The following ZC3H12A variants were observed in gnomAD, a reference collection of about 807,000 sequenced individuals.
The protein encoded by ZC3H12A is endoribonuclease ZC3H12A.
Under a neutral mutation model 29.9 loss-of-function variants are expected in ZC3H12A, and 9 were observed. The ratio of observed to expected loss-of-function variants is 0.30; its 90% CI spans 0.18 to 0.53. The LOEUF (loss-of-function observed/expected upper bound fraction) is 0.53. Among genes scored for constraint, ZC3H12A ranks in the 20% least tolerant of loss-of-function variants. The probability of loss-of-function intolerance (pLI) is 0.96; values close to 1 mark genes in which losing one functional copy is unlikely to be tolerated. For missense variants in ZC3H12A, 617 were observed against 799.0 expected, an observed-to-expected ratio of 0.77 and a Z score of 2.75; for synonymous variants, 323 against 338.1, an observed-to-expected ratio of 0.96 and a Z score of 0.49.
chr1:37,480,863 G>T (rs889093737), intron 3 of ZC3H12A, among the ~76,000 whole-genome samples: 3 of 152,218 alleles, frequency 2.0e-5, no homozygotes, highest in Non-Finnish European at 4.4e-5. Context: ...TCAGCAGGGG[G>T]TGTTGACAGC....
At position 37,483,412 on chromosome 1, in the gene ZC3H12A, A is replaced by G; in HGVS notation, c.1601A>G (p.Gln534Arg). The part of the protein sequence containing the change: ...PTSVLQEPPV[Q>R]SPGAGRSPWG... Reference sequence around the variant, plus strand: ...TCAGTCCTTCAGGAGCCCCCAGTGCAGAGCCCAGGGGCTGGCAGGAGCCCG... The same window carrying G: ...TCAGTCCTTCAGGAGCCCCCAGTGCGGAGCCCAGGGGCTGGCAGGAGCCCG... Residue 534 changes from glutamine to arginine, a missense_variant, in exon 6 of 6, where the codon CAG becomes CGG. Physicochemically the swap from Gln to Arg is conservative, Grantham distance 43. This residue lies in a region of ZC3H12A where 172 missense variants were observed against 203.1 expected (regional missense o/e 0.85). Transcript: ENST00000373087. The G allele has an allele frequency of 3.7e-6, 6 of 1,613,992 alleles. No homozygotes were observed. Among genetic ancestry groups the G allele is most frequent in the Non-Finnish European group, 5.1e-6 (6 of 1,179,942 alleles).
chr1:37,482,824 G>T lies in ZC3H12A; in HGVS notation c.1013G>T (p.Arg338Leu). 6.2e-7 allele frequency: 1 copy of T among 1,613,960 alleles called. No individual in the cohort carries two copies. ...CAGCGCTCTGTGGCAGATGAGCTCC[G>T]TGCCAATGCTCTCCTCTCACCCCCC... ...CPQRSVADELRANALLSPPRA... is the reference protein window; with the variant it reads ...CPQRSVADELLANALLSPPRA... The change falls in exon 6 of 6, where the codon CGT becomes CTT. Residue 338 changes from arginine to leucine, a missense_variant. Arg to Leu is a moderately radical substitution (Grantham distance 102). This residue lies in a region of ZC3H12A where 115 missense variants were observed against 112.5 expected (regional missense o/e 1.02). Transcript: ENST00000373087.
rs749930158 is a variant in ZC3H12A, at chr1:37,483,578, CCT to C, written c.1771_1772del (p.Ser591LeufsTer8). ...ACCCCCAGCAGCTGGCTGCCGAGAT[CCT>C]CTCCTACAAGTCCCAGCACCCCAGT... is the stretch of plus-strand genomic sequence containing the variant. Reference protein sequence around the residue: ...LDPQQLAAEILSYKSQHPSE With the variant: ...LDPQQLAAEIXSYKSQHPSE On this transcript the variant is annotated frameshift_variant, in exon 6 of 6. Transcript: ENST00000373087. LOFTEE classifies it high-confidence loss of function. The C allele has an allele frequency of 1.4e-5, 22 of 1,611,630 alleles. No individual in the cohort carries two copies. In the Admixed American group the frequency reaches 3.7e-4, roughly 27 times the overall value.
chr1:37,479,893 A>G lies in ZC3H12A; in HGVS notation c.444-397A>G, dbSNP rs1641667032. On this transcript the variant is annotated intron_variant, in intron 2 of 5. Transcript: ENST00000373087. The surrounding 1 kb of genome is among the most constrained non-coding windows in gnomAD (Gnocchi z 4.5). ...CAGCTCGCCGGGTGGGGCAGGAACC[A>G]GAAGTCTCGCGGCACCTTTCCCCCA... 2 of 1,010,572 alleles carry G rather than the reference A, an allele frequency of 2.0e-6. No individual in the cohort carries two copies. The highest frequency in any genetic ancestry group is 1.2e-6 in the Non-Finnish European group (1 of 844,920). The allele number at this position is 1,010,572 out of a possible 1,614,324, so 62.6% of individuals were successfully genotyped here.
At position 37,482,536 on chromosome 1, in the gene ZC3H12A, C is replaced by T. The variant is rs186794112; in HGVS notation, c.921C>T (p.Pro307=). The change falls in exon 5 of 6, where the codon CCC becomes CCT. Residue 307 remains proline (P), a synonymous_variant. Transcript: ENST00000373087. The part of the protein sequence containing the change: ...LTLEHRKQPC[P]YGRKCTYGIK... ...TGGAGCACAGGAAGCAGCCGTGTCCCTATGGTATGGAACCCAGCCTGCCCT... is the reference window on the plus strand; with the variant it reads ...TGGAGCACAGGAAGCAGCCGTGTCCTTATGGTATGGAACCCAGCCTGCCCT... The T allele has an allele frequency of 2.8e-4, 453 of 1,614,118 alleles. 5 individuals are homozygous for T. The East Asian group carries it at 7.3e-3, about 26-fold the overall frequency.
At position 37,476,285 on chromosome 1, in the gene ZC3H12A, T is replaced by C. The variant is rs1011511382; in HGVS notation, c.443+346T>C. 6.6e-6 allele frequency among the ~76,000 whole-genome samples: 1 copy of C among 152,294 alleles called. No homozygotes were observed. The highest frequency in any genetic ancestry group is 1.9e-4 in the East Asian group (1 of 5,192). On this transcript the variant is annotated intron_variant, in intron 2 of 5. Transcript: ENST00000373087. This position sits in a 1 kb window ranked among gnomAD's most constrained non-coding sequence, Gnocchi z 6.0. ...AGCTGCTCACTCACCCCTCGGAACC[T>C]GATCTCAGGTGGGTGTTGTGAGGAG...
Position 37,482,467 on chromosome 1 carries a change from C to T in ZC3H12A, c.852C>T (p.His284=), listed in dbSNP as rs756330885. The T allele has an allele frequency of 1.9e-5, 30 of 1,613,886 alleles. No individual in the cohort carries two copies. Among genetic ancestry groups the T allele is most frequent in the South Asian group, 4.4e-5 (4 of 91,086 alleles). ...FMPPDDPLGR[H]GPSLDNFLRK... Reference sequence around the variant, plus strand: ...CCCCTGATGACCCACTGGGCCGGCACGGGCCCAGCCTGGACAACTTCCTGC... The same window carrying T: ...CCCCTGATGACCCACTGGGCCGGCATGGGCCCAGCCTGGACAACTTCCTGC... Residue 284 remains histidine (H), a synonymous_variant, in exon 5 of 6, where the codon CAC becomes CAT. Transcript: ENST00000373087.
In ZC3H12A at chr1:37,480,566, G is replaced by A. The variant is rs183259358; in HGVS notation, c.583+137G>A. On this transcript the variant is annotated intron_variant, in intron 3 of 5. Transcript: ENST00000373087. ...AGCATTTCTTTTCTCAGTTTTTTCTGTCCTTAGCAACCTGCTCTGAATGGT... is the reference window on the plus strand; with the variant it reads ...AGCATTTCTTTTCTCAGTTTTTTCTATCCTTAGCAACCTGCTCTGAATGGT... The A allele has an allele frequency of 1.7e-4, 212 of 1,278,406 alleles. No individual in the cohort carries two copies. In the African/African-American group the frequency reaches 2.2e-3, roughly 13 times the overall value. The allele number at this position is 1,278,406 out of a possible 1,614,324, so 79.2% of individuals were successfully genotyped here.
In ZC3H12A at chr1:37,483,579, C is replaced by T. The variant is rs149691061; in HGVS notation, c.1768C>T (p.Leu590Phe). ...LDPQQLAAEI[L>F]SYKSQHPSE ...CCCCCAGCAGCTGGCTGCCGAGATC[C>T]TCTCCTACAAGTCCCAGCACCCCAG... Residue 590 changes from leucine to phenylalanine, a missense_variant, in exon 6 of 6, where the codon CTC becomes TTC. Coordinates refer to ENST00000373087, the MANE Select transcript of ZC3H12A (RefSeq NM_025079.3). The T allele has an allele frequency of 4.5e-4, 725 of 1,611,500 alleles. 4 individuals carry two copies. In the African/African-American group the frequency reaches 8.4e-3, roughly 19 times the overall value.
Position 37,481,930 on chromosome 1 carries a change from G to A in ZC3H12A, c.818+95G>A, listed in dbSNP as rs561279266. 6.2e-4 allele frequency: 807 copies of A among 1,291,696 alleles called. 1 individual carries two copies. The highest frequency in any genetic ancestry group is 9.1e-4 in the Admixed American group (44 of 48,512). 80.0% of individuals were successfully genotyped at this position (1,291,696 alleles called of 1,614,324 possible). ...GGTGGAGCTGGGGGCTGGGCTCTGC[G>A]GGGCCCTGTGGCCATGGGAGGTTGC... On this transcript the variant is annotated intron_variant, in intron 4 of 5. Coordinates refer to ENST00000373087, the MANE Select transcript of ZC3H12A (RefSeq NM_025079.3).
In ZC3H12A at chr1:37,483,149, G is replaced by A. The variant is rs747167116; in HGVS notation, c.1338G>A (p.Gln446=). 1.2e-6 allele frequency: 2 copies of A among 1,613,450 alleles called. No homozygotes were observed. The highest frequency in any genetic ancestry group is 1.7e-6 in the Non-Finnish European group (2 of 1,179,952). ...LDSGIGSLES[Q]MSELWGVRGG... ...CGGGCATTGGCTCCCTGGAGAGCCA[G>A]ATGTCGGAACTTTGGGGGGTTCGAG... Residue 446 remains glutamine (Q), a synonymous_variant, in exon 6 of 6, where the codon CAG becomes CAA. Transcript: ENST00000373087.
At position 37,483,776 on chromosome 1, in the gene ZC3H12A, A is replaced by G. The variant is rs1297094736; in HGVS notation, c.*165A>G. 1 of 964,870 alleles carries G rather than the reference A, an allele frequency of 1.0e-6. No individual in the cohort carries two copies. Among genetic ancestry groups the G allele is most frequent in the African/African-American group, 1.7e-5 (1 of 60,428 alleles). 59.8% of individuals were successfully genotyped at this position (964,870 alleles called of 1,614,324 possible). A position where few individuals can be genotyped will look rare whatever the true frequency, so the allele number is the denominator to read the frequency against. On this transcript the variant is annotated 3_prime_UTR_variant, in exon 6 of 6. Coordinates refer to ENST00000373087, the MANE Select transcript of ZC3H12A (RefSeq NM_025079.3). ...ACCCACAAACCAAAGATACTGTAGG[A>G]TTGGTTCTGGCCCATGCAGCACCTC...
In ZC3H12A at chr1:37,479,331, C is replaced by A. The variant is rs1641652204; in HGVS notation, c.444-959C>A. The A allele has an allele frequency of 1.0e-6, 1 of 985,420 alleles. No homozygotes were observed. The highest frequency in any genetic ancestry group is 1.2e-6 in the Non-Finnish European group (1 of 829,930). 61.0% of individuals were successfully genotyped at this position (985,420 alleles called of 1,614,324 possible). On this transcript the variant is annotated intron_variant, in intron 2 of 5. Coordinates refer to ENST00000373087, the MANE Select transcript of ZC3H12A (RefSeq NM_025079.3). The surrounding 1 kb of genome is among the most constrained non-coding windows in gnomAD (Gnocchi z 4.5). ...CCAGGAAAGCTGTCCCACTGACTGA[C>A]CCCTCTTAAGGAAGCTGCAGACTGC... is the stretch of plus-strand genomic sequence containing the variant.
chr1:37,481,288 G>A (rs1033920240), intron 3 of ZC3H12A, among the ~76,000 whole-genome samples: 1 of 152,240 alleles, frequency 6.6e-6, no homozygotes, highest in Admixed American at 6.5e-5. Context: ...GAAAGCCAAA[G>A]CCAAGACCAC....
chr1:37,483,366 T>C lies in ZC3H12A; in HGVS notation c.1555T>C (p.Tyr519His). The change falls in exon 6 of 6, where the codon TAC becomes CAC. Residue 519 changes from tyrosine to histidine, a missense_variant. By Grantham distance (83) the Tyr-to-His change is moderately conservative. This residue lies in a region of ZC3H12A where 172 missense variants were observed against 203.1 expected (regional missense o/e 0.85). Transcript: ENST00000373087. Reference sequence around the variant, plus strand: ...ACCTCGAGAGTACTGGTCTGAACCATACCCACTGCCCCCACCCACATCAGT... The same window carrying C: ...ACCTCGAGAGTACTGGTCTGAACCACACCCACTGCCCCCACCCACATCAGT... Reference protein sequence around the residue: ...FPPREYWSEPYPLPPPTSVLQ... With the variant: ...FPPREYWSEPHPLPPPTSVLQ... The C allele has an allele frequency of 6.2e-7, 1 of 1,614,020 alleles. No homozygotes were observed. Among genetic ancestry groups the C allele is most frequent in the Middle Eastern group, 1.6e-4 (1 of 6,062 alleles).
At position 37,475,389 on chromosome 1, in the gene ZC3H12A, T is replaced by C; in HGVS notation, c.-38-70T>C. ...TAGTGCCACCAATCCCTCATCCTGC[T>C]GGATGTGGTTTTGGGAGGGAGGTTA... On this transcript the variant is annotated intron_variant, in intron 1 of 5. Transcript: ENST00000373087. The surrounding 1 kb of genome is among the most constrained non-coding windows in gnomAD (Gnocchi z 5.2). 1.7e-6 allele frequency: 2 copies of C among 1,198,548 alleles called. No individual in the cohort carries two copies. The highest frequency in any genetic ancestry group is 3.0e-5 in the African/African-American group (2 of 65,794). 74.2% of individuals were successfully genotyped at this position (1,198,548 alleles called of 1,614,324 possible).
chr1:37,483,638 C>A lies in ZC3H12A; in HGVS notation c.*27C>A. 1.3e-6 allele frequency: 2 copies of A among 1,556,538 alleles called. No individual in the cohort carries two copies. The highest frequency in any genetic ancestry group is 2.3e-5 in the East Asian group (1 of 43,158). ...CTGCCTGTGGCTGGCAAGGGCAGCA[C>A]CCCCAGCCTCCAAGGGCCGTCAGGC... is the stretch of plus-strand genomic sequence containing the variant. On this transcript the variant is annotated 3_prime_UTR_variant, in exon 6 of 6. Transcript: ENST00000373087.
chr1:37,481,546 G>A, intron 3 of ZC3H12A, 55 bp from the exon 4 acceptor site: 1 of 1,583,758 alleles, frequency 6.3e-7, no homozygotes, highest in Non-Finnish European at 8.7e-7. Flanking sequence ...GAGCCCTGTA[G>A]GCCTGGCTCT....
At chr1:37,477,500 G>A (rs1440195321) in intron 2 of ZC3H12A, among the ~76,000 whole-genome samples, 1 of 152,170 alleles carries the variant, frequency 6.6e-6, no homozygotes, top group Non-Finnish European at 1.5e-5. Flanking sequence ...CTCCCCAGGG[G>A]CAGGCGGGCT....
Sources: gnomAD v4.1 joint callset for allele counts (sites outside exome capture counted in the v4.1 genomes callset) on GRCh38, gnomAD v4.1.1 for gene constraint, gnomAD v4.1.1 regional missense constraint, Gnocchi (gnomAD v3.1) non-coding constraint, MANE v1.5 for transcripts, NCBI Gene and HGNC (gene_info 2026-07-23, HGNC 2026-07-21) for gene names.